The following FILIP1 variants were observed in gnomAD, a reference collection of about 807,000 sequenced individuals.
FILIP1 encodes the protein filamin-A-interacting protein 1.
In FILIP1, 61 loss-of-function variants were observed where a neutral mutation model predicts 102.1. The ratio of observed to expected loss-of-function variants is 0.60; its 90% CI spans 0.49 to 0.74. FILIP1 has a LOEUF of 0.74. Ranked by LOEUF, FILIP1 falls within the 30% of genes least tolerant of loss-of-function variation. FILIP1 has a pLI of 0.00. For synonymous variants in FILIP1, 491 were observed against 526.9 expected, an observed-to-expected ratio of 0.93 and a Z score of 0.93; for missense variants, 1,314 against 1,441.2, an observed-to-expected ratio of 0.91 and a Z score of 1.43.
intron 2 of FILIP1, among the ~76,000 whole-genome samples, chr6:75,402,301 C>T (rs756997998): frequency 2.3e-4 from 35 of 152,100 alleles, no homozygotes; most frequent in Non-Finnish European, 4.1e-4. Flanking sequence ...TCTGAAGCAT[C>T]GTATTCAGCA....
chr6:75,451,726 C>T lies in FILIP1; in HGVS notation c.-6-36748G>A, dbSNP rs183282534. Among the ~76,000 whole-genome samples, 4 of 152,012 alleles carry T rather than the reference C, an allele frequency of 2.6e-5. No homozygotes were observed. In the East Asian group the frequency reaches 5.8e-4, roughly 22 times the overall value. The stretch of plus-strand genomic sequence containing the variant: ...TGCAGCACCTGCAGTCCCAGCTACT[C>T]GGGAGGGTGAGGCAGGAGAATCGCT... On this transcript the variant is annotated intron_variant, in intron 1 of 5. Coordinates refer to ENST00000237172, the MANE Select transcript of FILIP1 (RefSeq NM_015687.5).
chr6:75,443,050 T>C (rs1778326996), intron 1 of FILIP1, among the ~76,000 whole-genome samples: 1 of 152,256 alleles, frequency 6.6e-6, no homozygotes, highest in African/African-American at 2.4e-5. Context: ...CTTAATTGTT[T>C]GGGGAAATGA....
chr6:75,319,110 CT>C, intron 4 of FILIP1: 1 of 731,374 alleles, frequency 1.4e-6, no homozygotes, highest in Non-Finnish European at 2.5e-6. Flanking sequence ...CCTCCTCTTC[CT>C]TCTTTTTCTT....
At chr6:75,402,503 T>C (rs949870513) in intron 2 of FILIP1, among the ~76,000 whole-genome samples, 9 of 152,122 alleles carry the variant, frequency 5.9e-5, no homozygotes, top group African/African-American at 1.9e-4. Flanking sequence ...AGGTGAGTCA[T>C]CAATTTAAAA....
At chr6:75,397,082 G>A (rs1357576076) in intron 2 of FILIP1, among the ~76,000 whole-genome samples, 1 of 151,766 alleles carries the variant, frequency 6.6e-6, no homozygotes, top group African/African-American at 2.4e-5. Flanking sequence ...TAGTTGATGG[G>A]TGCAGAACAC....
chr6:75,469,655 T>C (rs1367473609), intron 1 of FILIP1, among the ~76,000 whole-genome samples: 3 of 152,058 alleles, frequency 2.0e-5, no homozygotes, highest in South Asian at 2.1e-4. Flanking sequence ...TAGATGCAAA[T>C]TGCTAAATAA....
downstream of FILIP1, among the ~76,000 whole-genome samples, chr6:75,304,691 G>C (rs1020553451): frequency 3.3e-5 from 5 of 152,138 alleles, no homozygotes; most frequent in Non-Finnish European, 7.4e-5. Flanking sequence ...AGACAAAAGA[G>C]ATCTAAAATC....
At chr6:75,445,946 T>G (rs1299238531) in intron 1 of FILIP1, among the ~76,000 whole-genome samples, 3 of 152,104 alleles carry the variant, frequency 2.0e-5, no homozygotes, top group African/African-American at 7.2e-5. Context: ...TCTTACAAAT[T>G]TGAAACTTTC....
chr6:75,442,834 T>A (rs1778318043), intron 1 of FILIP1, among the ~76,000 whole-genome samples: 1 of 152,122 alleles, frequency 6.6e-6, no homozygotes, highest in Admixed American at 6.5e-5. Flanking sequence ...ACATGCAGGA[T>A]CCCCAGTCAG....
At chr6:75,356,057 G>A (rs908434085) in intron 3 of FILIP1, among the ~76,000 whole-genome samples, 5 of 152,110 alleles carry the variant, frequency 3.3e-5, no homozygotes, top group Admixed American at 6.6e-5. Flanking sequence ...TCCCTGGAGG[G>A]AAAAATCCAC....
intron 1 of FILIP1, among the ~76,000 whole-genome samples, chr6:75,455,711 C>G (rs560427334): frequency 6.6e-6 from 1 of 152,094 alleles, no homozygotes; most frequent in Non-Finnish European, 1.5e-5. Context: ...CTCTCCACTG[C>G]CCACCAGAAA....
chr6:75,415,752 T>G (rs1382091699), intron 1 of FILIP1, among the ~76,000 whole-genome samples: 1 of 152,086 alleles, frequency 6.6e-6, no homozygotes, highest in South Asian at 2.1e-4. Flanking sequence ...AATCAAAACT[T>G]AAAACAGTAT....
chr6:75,302,835 T>A (rs1772877323), intron 6 of FILIP1, among the ~76,000 whole-genome samples: 1 of 151,850 alleles, frequency 6.6e-6, no homozygotes, highest in Admixed American at 6.6e-5. Context: ...TGATATGATA[T>A]GATATGATAT....
intron 3 of FILIP1, among the ~76,000 whole-genome samples, chr6:75,357,809 G>A (rs891714704): frequency 2.6e-5 from 4 of 152,224 alleles, no homozygotes; most frequent in Admixed American, 2.6e-4. Flanking sequence ...AGAGAGAACA[G>A]AGGTAGCCTA....
intron 2 of FILIP1, among the ~76,000 whole-genome samples, chr6:75,379,480 T>C (rs999256183): frequency 6.6e-6 from 1 of 152,162 alleles, no homozygotes; most frequent in African/African-American, 2.4e-5. Flanking sequence ...GTTAGATAGA[T>C]TGCAATGGTC....
chr6:75,421,274 T>A (rs1169494034), intron 1 of FILIP1, among the ~76,000 whole-genome samples: 1 of 152,066 alleles, frequency 6.6e-6, no homozygotes, highest in East Asian at 1.9e-4. Context: ...TGGAAAGTGG[T>A]TAGATGAGTG....
chr6:75,451,622 A>G (rs1013157975), intron 1 of FILIP1, among the ~76,000 whole-genome samples: 1 of 152,090 alleles, frequency 6.6e-6, no homozygotes, highest in African/African-American at 2.4e-5. Flanking sequence ...CTCGAGGTCA[A>G]GAGTTTGAGA....
chr6:75,472,392 AAC>A (rs1779358819), intron 1 of FILIP1, among the ~76,000 whole-genome samples: 1 of 152,174 alleles, frequency 6.6e-6, no homozygotes, highest in Non-Finnish European at 1.5e-5. Flanking sequence ...AATTTAATAG[AAC>A]AGTCTTCCTC....
At chr6:75,455,425 C>T (rs976364599) in intron 1 of FILIP1, 14 of 151,526 alleles carry the variant, frequency 9.2e-5, no homozygotes, top group South Asian at 2.1e-4. Context: ...ATTTTTATTG[C>T]GATGTCCAAA....
Sources: allele counts gnomAD v4.1 joint callset (sites outside exome capture counted in the v4.1 genomes callset), GRCh38; gene constraint gnomAD v4.1.1; transcripts MANE v1.5; gene names NCBI Gene and HGNC (gene_info 2026-07-23, HGNC 2026-07-21).